SNTG1: variants seen among roughly 807,000 people sequenced by gnomAD.
SNTG1 encodes syntrophin gamma 1.
SNTG1 carries 39 observed loss-of-function variants against 74.7 expected under a neutral mutation model. The observed-to-expected ratio is 0.52, with a 90% CI of 0.40 to 0.68. The LOEUF (loss-of-function observed/expected upper bound fraction) is 0.68, where lower values mean the gene tolerates loss of function less well. SNTG1 is among the 30% of genes least tolerant of loss of function. The pLI, the probability that SNTG1 is intolerant of heterozygous loss-of-function variation, is 0.00. For missense variants in SNTG1, 685 were observed against 609.5 expected (o/e 1.12, Z -1.30); for synonymous variants, 254 against 217.1 (o/e 1.17, Z -1.49).
intron 9 of SNTG1, among the ~76,000 whole-genome samples, chr8:50,521,582 G>T (rs1181472355): frequency 6.6e-6 from 1 of 152,020 alleles, no homozygotes; most frequent in African/African-American, 2.4e-5. Flanking sequence ...AATGAAGTTT[G>T]TCACATTCAT....
intron 1 of SNTG1, among the ~76,000 whole-genome samples, chr8:50,066,259 T>C (rs1467787620): frequency 1.3e-5 from 2 of 152,074 alleles, no homozygotes; most frequent in Non-Finnish European, 2.9e-5. Flanking sequence ...AATAGCTTTT[T>C]CATTTTCTTG....
intron 9 of SNTG1, among the ~76,000 whole-genome samples, chr8:50,514,665 A>T (rs865848880): frequency 6.6e-6 from 1 of 152,112 alleles, no homozygotes; most frequent in African/African-American, 2.4e-5. Flanking sequence ...TATTAGGGAG[A>T]ATATTTTGTG....
intron 17 of SNTG1, among the ~76,000 whole-genome samples, chr8:50,742,674 C>A: frequency 6.7e-6 from 1 of 150,344 alleles, no homozygotes; most frequent in Non-Finnish European, 1.5e-5. Context: ...AAGGTGAAAA[C>A]AATAAAGATT....
At chr8:50,296,883 T>G (rs2089406321) in intron 2 of SNTG1, among the ~76,000 whole-genome samples, 1 of 152,188 alleles carries the variant, frequency 6.6e-6, no homozygotes, top group Non-Finnish European at 1.5e-5. Context: ...GTTATCCTGC[T>G]TATTAAGTAG....
intron 2 of SNTG1, among the ~76,000 whole-genome samples, chr8:50,349,522 T>C (rs923922857): frequency 3.9e-5 from 6 of 152,318 alleles, no homozygotes; most frequent in South Asian, 2.1e-4. Flanking sequence ...CCAGACCTGT[T>C]TGGCAGAGTT....
chr8:50,308,364 T>A (rs544370884), intron 2 of SNTG1, among the ~76,000 whole-genome samples: 1 of 152,114 alleles, frequency 6.6e-6, no homozygotes, highest in East Asian at 1.9e-4. Flanking sequence ...CTTCCTCCAC[T>A]CAGACGCTAA....
chr8:50,298,791 G>T (rs2089507880), intron 2 of SNTG1, among the ~76,000 whole-genome samples: 1 of 152,118 alleles, frequency 6.6e-6, no homozygotes, highest in Non-Finnish European at 1.5e-5. Flanking sequence ...TTTTTGTGCT[G>T]TATACACTTC....
chr8:50,265,771 A>G (rs2087432443), intron 2 of SNTG1, among the ~76,000 whole-genome samples: 1 of 152,112 alleles, frequency 6.6e-6, no homozygotes, highest in Non-Finnish European at 1.5e-5. Context: ...GAGACATTAA[A>G]TCAATTGTAT....
Position 50,377,811 on chromosome 8 carries a change from T to A in SNTG1, c.-27-16401T>A, listed in dbSNP as rs945577444. On this transcript the variant is annotated intron_variant, in intron 2 of 18. Transcript: ENST00000642720. ...ATGAGACTGCAGTTATTTTGATTTT[T>A]AAAAAAATTGATTTTGGAATGTTCC... Among the ~76,000 whole-genome samples, 9 of 152,326 alleles carry A rather than the reference T, an allele frequency of 5.9e-5. No homozygotes were observed. The South Asian group carries it at 6.2e-4, about 11-fold the overall frequency.
intron 15 of SNTG1, 135 bp from the exon 16 acceptor site, chr8:50,704,465 C>G: frequency 9.3e-7 from 1 of 1,070,748 alleles, no homozygotes; most frequent in South Asian, 1.3e-5. Context: ...GGTATAATGT[C>G]TAATGAAGAC....
intron 9 of SNTG1, among the ~76,000 whole-genome samples, chr8:50,524,332 C>T (rs531293634): frequency 9.7e-4 from 148 of 152,166 alleles, no homozygotes; most frequent in African/African-American, 3.5e-3. Context: ...CACAATCTTG[C>T]TGTTATTAAT....
At chr8:50,178,148 T>C (rs189178562) in intron 2 of SNTG1, among the ~76,000 whole-genome samples, 24 of 152,354 alleles carry the variant, frequency 1.6e-4, no homozygotes, top group Admixed American at 5.9e-4. Context: ...AATAAAAATA[T>C]TCAGACCTTA....
At chr8:50,610,045 C>CT (rs1052240004) in intron 13 of SNTG1, among the ~76,000 whole-genome samples, 30 of 152,212 alleles carry the variant, frequency 2.0e-4, no homozygotes, top group Non-Finnish European at 4.0e-4. Context: ...GTTTGATACT[C>CT]TTTCGTTGAA....
chr8:50,404,612 A>T lies in SNTG1; in HGVS notation c.162+2268A>T, dbSNP rs147797701. Among the ~76,000 whole-genome samples, 853 of 151,892 alleles carry T rather than the reference A, an allele frequency of 5.6e-3. 13 individuals are homozygous for T. Among genetic ancestry groups the T allele is most frequent in the African/African-American group, 0.02 (817 of 41,438 alleles). On this transcript the variant is annotated intron_variant, in intron 4 of 18. Coordinates refer to ENST00000642720, the MANE Select transcript of SNTG1 (RefSeq NM_018967.5). Reference sequence around the variant, plus strand: ...AGAGTCCAAAAATAGACCCACTCTTATATGGTCAGTTAAGTTTTTTTTTTT... The same window carrying T: ...AGAGTCCAAAAATAGACCCACTCTTTTATGGTCAGTTAAGTTTTTTTTTTT...
chr8:50,183,076 G>A (rs1340012873), intron 2 of SNTG1, among the ~76,000 whole-genome samples: 2 of 152,014 alleles, frequency 1.3e-5, no homozygotes, highest in Admixed American at 1.3e-4. Flanking sequence ...GACCCATTCT[G>A]TTACCTTGCT....
chr8:50,137,492 G>A (rs181099938), intron 1 of SNTG1, among the ~76,000 whole-genome samples: 1 of 152,314 alleles, frequency 6.6e-6, no homozygotes, highest in Admixed American at 6.5e-5. Flanking sequence ...TTTGCTTGAA[G>A]AGTTTATCTT....
chr8:50,608,895 G>A (rs2094831227), intron 13 of SNTG1, among the ~76,000 whole-genome samples: 1 of 151,704 alleles, frequency 6.6e-6, no homozygotes, highest in Non-Finnish European at 1.5e-5. Flanking sequence ...TTGCTCTTGG[G>A]AATCACATAT....
rs533240949 is a variant in SNTG1 at position 50,272,251 on chromosome 8, C to T, written c.-28+99616C>T. On this transcript the variant is annotated intron_variant, in intron 2 of 18. Coordinates refer to ENST00000642720, the MANE Select transcript of SNTG1 (RefSeq NM_018967.5). ...TATTTGGCTAGTCTGCATTGTATTTCCAAGAATTACCCTTTCTGTGTGTTT... is the reference window on the plus strand; with the variant it reads ...TATTTGGCTAGTCTGCATTGTATTTTCAAGAATTACCCTTTCTGTGTGTTT... Among the ~76,000 whole-genome samples the T allele has an allele frequency of 5.9e-5, 9 of 152,316 alleles. No homozygotes were observed. The South Asian group carries it at 6.2e-4, about 11-fold the overall frequency.
At chr8:50,011,031 T>C (rs530690605) in intron 1 of SNTG1, among the ~76,000 whole-genome samples, 1 of 152,270 alleles carries the variant, frequency 6.6e-6, no homozygotes, top group South Asian at 2.1e-4. Flanking sequence ...ATTTAAATGA[T>C]TTATTTCATA....
Sources: gnomAD v4.1 joint callset for allele counts (sites outside exome capture counted in the v4.1 genomes callset) on GRCh38, gnomAD v4.1.1 for gene constraint, MANE v1.5 for transcripts, NCBI Gene and HGNC (gene_info 2026-07-23, HGNC 2026-07-21) for gene names.